RTF2: variants seen among roughly 807,000 people sequenced by gnomAD.
RTF2 encodes UPF0549 protein C20orf43.
Under a neutral mutation model 38.0 loss-of-function variants are expected in RTF2, and 18 were observed. That is an observed-to-expected ratio of 0.47 (90% CI 0.33 to 0.70). The LOEUF is 0.70. Ranked by LOEUF, RTF2 falls within the 30% of genes least tolerant of loss-of-function variation. The probability of loss-of-function intolerance (pLI) is 0.02; values close to 1 mark genes in which losing one functional copy is unlikely to be tolerated. For missense variants in RTF2, 311 were observed against 379.6 expected (o/e 0.82, Z 1.50); for synonymous variants, 126 against 137.1 (o/e 0.92, Z 0.57).
intron 5 of RTF2, among the ~76,000 whole-genome samples, chr20:56,511,604 G>A (rs1191817235): frequency 6.6e-6 from 1 of 152,056 alleles, no homozygotes; most frequent in Non-Finnish European, 1.5e-5. Context: ...CTCAACCTCA[G>A]CACAGGGGCA....
chr20:56,473,646 G>A lies in RTF2; in HGVS notation c.164+251G>A, dbSNP rs568956128. ...CACCTGTAATCCCACCACTTTGGGA[G>A]GCTGAGGAGGAAGGGTCACTTAAGT... On this transcript the variant is annotated intron_variant, in intron 2 of 8. Transcript: ENST00000357348. Among the ~76,000 whole-genome samples the A allele has an allele frequency of 2.6e-5, 4 of 152,296 alleles. No homozygotes were observed. The South Asian group carries it at 8.3e-4, about 32-fold the overall frequency.
At chr20:56,484,866 G>A (rs1424252790) in intron 5 of RTF2, among the ~76,000 whole-genome samples, 2 of 144,178 alleles carry the variant, frequency 1.4e-5, no homozygotes, top group Non-Finnish European at 3.0e-5. Flanking sequence ...TTAACGTCAT[G>A]GATGCCGGCA....
At chr20:56,506,259 C>T (rs1568708399) in intron 5 of RTF2, among the ~76,000 whole-genome samples, 1 of 152,174 alleles carries the variant, frequency 6.6e-6, no homozygotes, top group Non-Finnish European at 1.5e-5. Context: ...GTGGAGGAAA[C>T]ACACTGTTTC....
chr20:56,497,428 C>T lies in RTF2; in HGVS notation c.477+13239C>T, dbSNP rs1352779561. 3 of 1,544,950 alleles carry T rather than the reference C, an allele frequency of 1.9e-6. No homozygotes were observed. In the East Asian group the frequency reaches 7.4e-5, roughly 38 times the overall value. The stretch of plus-strand genomic sequence containing the variant: ...AATTTTGCAATTTAGGGGGCCGCCC[C>T]TTTCCCTTCAAATAAAGCGGAACAC... On this transcript the variant is annotated intron_variant, in intron 5 of 8. Coordinates refer to ENST00000357348, the MANE Select transcript of RTF2 (RefSeq NM_016407.5).
At chr20:56,474,577 T>C (rs1982141179) in intron 2 of RTF2, 101 bp from the exon 3 acceptor site, 1 of 667,526 alleles carries the variant, frequency 1.5e-6, no homozygotes, top group South Asian at 2.2e-5. Flanking sequence ...ATTTCTCTTA[T>C]CAAATGTAAA....
intron 8 of RTF2, among the ~76,000 whole-genome samples, chr20:56,517,578 G>A (rs1985128404): frequency 6.6e-6 from 1 of 152,162 alleles, no homozygotes. Flanking sequence ...GCTTTCATGG[G>A]CTCCACGTGT....
intron 5 of RTF2, among the ~76,000 whole-genome samples, chr20:56,503,778 A>G (rs1280292497): frequency 2.6e-5 from 4 of 152,106 alleles, no homozygotes; most frequent in African/African-American, 4.8e-5. Flanking sequence ...GTCTGGCCCA[A>G]CCCAACATGG....
At chr20:56,476,199 T>G (rs1375840778) in intron 3 of RTF2, among the ~76,000 whole-genome samples, 2 of 152,254 alleles carry the variant, frequency 1.3e-5, no homozygotes, top group African/African-American at 2.4e-5. Context: ...CTGCCTTAGC[T>G]CGTTAGACCG....
Position 56,471,229 on chromosome 20 carries a change from C to T in RTF2, c.70-2072C>T, listed in dbSNP as rs150953484. On this transcript the variant is annotated intron_variant, in intron 1 of 8. Coordinates refer to ENST00000357348, the MANE Select transcript of RTF2 (RefSeq NM_016407.5). ...TGGGGAAAATCCCATACATTTTGTCCGAAGTGTTCTGGAAGTATTGAGTGT... is the reference window on the plus strand; with the variant it reads ...TGGGGAAAATCCCATACATTTTGTCTGAAGTGTTCTGGAAGTATTGAGTGT... Among the ~76,000 whole-genome samples the T allele has an allele frequency of 5.7e-3, 873 of 152,172 alleles. 10 individuals are homozygous for T. Among genetic ancestry groups the T allele is most frequent in the African/African-American group, 0.02 (821 of 41,524 alleles).
intron 5 of RTF2, among the ~76,000 whole-genome samples, chr20:56,499,244 T>G (rs995650037): frequency 1.6e-4 from 24 of 150,364 alleles, no homozygotes; most frequent in South Asian, 4.3e-4. Flanking sequence ...TAACTCAGGC[T>G]GGAGTGCAAT....
chr20:56,508,408 CTGTT>C (rs1346520994), intron 5 of RTF2, among the ~76,000 whole-genome samples: 2 of 152,176 alleles, frequency 1.3e-5, no homozygotes, highest in African/African-American at 4.8e-5. Flanking sequence ...GTTAAAATTA[CTGTT>C]CCAGTTGTTG....
In RTF2 at chr20:56,517,183, T is replaced by C; in HGVS notation, c.724T>C (p.Leu242=). Residue 242 remains leucine (L), a synonymous_variant, in exon 8 of 9, where the codon TTG becomes CTG. Transcript: ENST00000357348. ...SLDSREKKTN[L]APKSTAMNES... The stretch of plus-strand genomic sequence containing the variant: ...TGATTCTAGAGAGAAGAAAACCAAC[T>C]TGGCTCCCAAAAGCACAGGTGGGTC... 1 of 1,614,034 alleles carries C rather than the reference T, an allele frequency of 6.2e-7. No individual in the cohort carries two copies. Among genetic ancestry groups the C allele is most frequent in the Non-Finnish European group, 8.5e-7 (1 of 1,179,950 alleles).
chr20:56,500,194 A>G (rs6064407), intron 5 of RTF2, among the ~76,000 whole-genome samples: 56,717 of 151,642 alleles, frequency 0.37, 11,301 homozygotes, highest in Non-Finnish European at 0.45. Context: ...AGCTGGGATT[A>G]CAGGCATGCA....
intron 1 of RTF2, chr20:56,470,707 G>A (rs944701508): frequency 2.2e-6 from 1 of 455,766 alleles, no homozygotes; most frequent in African/African-American, 2.0e-5. Context: ...TCAGGGAGGA[G>A]AAGAGGAATT....
intron 4 of RTF2, among the ~76,000 whole-genome samples, chr20:56,479,199 G>A (rs1982404926): frequency 6.6e-6 from 1 of 152,038 alleles, no homozygotes; most frequent in Non-Finnish European, 1.5e-5. Flanking sequence ...CTCCTCTCAT[G>A]AATCACAGAT....
At position 56,477,135 on chromosome 20, in the gene RTF2, G is replaced by A; in HGVS notation, c.398+11G>A. On this transcript the variant is annotated intron_variant, in intron 4 of 8. Coordinates refer to ENST00000357348, the MANE Select transcript of RTF2 (RefSeq NM_016407.5). ...GAACGGCCGACACAGGTTAGTGACG[G>A]ACCTGGGACAGATGATGTGGGAGGC... 2 of 1,612,232 alleles carry A rather than the reference G, an allele frequency of 1.2e-6. No individual in the cohort carries two copies. The highest frequency in any genetic ancestry group is 2.7e-5 in the African/African-American group (2 of 74,888).
chr20:56,513,679 G>A, intron 6 of RTF2: 1 of 384,530 alleles, frequency 2.6e-6, no homozygotes, highest in Non-Finnish European at 4.9e-6. Context: ...CAGCATGCGA[G>A]GGCACGGAGC....
At chr20:56,501,415 G>A (rs111855167) in intron 5 of RTF2, among the ~76,000 whole-genome samples, 212 of 152,166 alleles carry the variant, frequency 1.4e-3, no homozygotes, top group African/African-American at 4.7e-3. Flanking sequence ...TTGTAAGTGC[G>A]GGGAATATGC....
intron 5 of RTF2, chr20:56,497,308 G>C: frequency 6.4e-7 from 1 of 1,550,800 alleles, no homozygotes; most frequent in African/African-American, 1.4e-5. Flanking sequence ...GCAGACAGGG[G>C]TCTGGTTATG....
Sources: gnomAD v4.1 joint callset for allele counts (sites outside exome capture counted in the v4.1 genomes callset) on GRCh38, gnomAD v4.1.1 for gene constraint, MANE v1.5 for transcripts, NCBI Gene and HGNC (gene_info 2026-07-23, HGNC 2026-07-21) for gene names.